Variants in UNKL observed in about 807,000 individuals in gnomAD.
The protein encoded by UNKL is putative E3 ubiquitin-protein ligase UNKL.
Under a neutral mutation model 78.0 loss-of-function variants are expected in UNKL, and 60 were observed. The ratio of observed to expected loss-of-function variants is 0.77; its 90% CI spans 0.63 to 0.95. UNKL has a LOEUF of 0.95. Among genes scored for constraint, UNKL ranks in the 40% least tolerant of loss-of-function variants. The pLI is 0.00. For missense variants in UNKL, 1,159 were observed against 1,045.7 expected (o/e 1.11, Z -1.49); for synonymous variants, 608 against 474.8 (o/e 1.28, Z -3.65).
chr16:1,396,629 T>C (rs2037273726), intron 6 of UNKL, among the ~76,000 whole-genome samples: 1 of 152,174 alleles, frequency 6.6e-6, no homozygotes, highest in Non-Finnish European at 1.5e-5. Flanking sequence ...AGTCTTGCTC[T>C]GTTGCCCAGG....
At position 1,364,991 on chromosome 16, in the gene UNKL, C is replaced by T. The variant is rs2035125945; in HGVS notation, c.*1249G>A. The stretch of plus-strand genomic sequence containing the variant: ...AGGACAGCTCTGAGTAATCAGAAAA[C>T]AGCTTTTTTTTTTTTTTTTTGAGCC... On this transcript the variant is annotated 3_prime_UTR_variant, in exon 15 of 15. Coordinates refer to ENST00000389221, the MANE Select transcript of UNKL (RefSeq NM_001372107.1). 1 of 150,956 alleles carries T rather than the reference C, an allele frequency of 6.6e-6. No homozygotes were observed. Among genetic ancestry groups the T allele is most frequent in the Admixed American group, 6.6e-5 (1 of 15,164 alleles). 9.4% of individuals were successfully genotyped at this position (150,956 alleles called of 1,614,324 possible). A position where few individuals can be genotyped will look rare whatever the true frequency, so the allele number is the denominator to read the frequency against.
chr16:1,399,532 C>A lies in UNKL; in HGVS notation c.599-23G>T. 1 of 1,579,534 alleles carries A rather than the reference C, an allele frequency of 6.3e-7. No individual in the cohort carries two copies. ...CATCTGAAAAATGGGCCACACGGTG[C>A]CTGAGCAGCGCGACTGGAAGCAATG... On this transcript the variant is annotated intron_variant, in intron 4 of 14. Transcript: ENST00000389221. The surrounding 1 kb of genome is among the most constrained non-coding windows in gnomAD (Gnocchi z 5.8).
At chr16:1,370,465 GGA>G in intron 11 of UNKL, 108 bp from the exon 12 acceptor site, 1 of 1,456,620 alleles carries the variant, frequency 6.9e-7, no homozygotes, top group Non-Finnish European at 9.1e-7. Context: ...GTGGTGGTGG[GGA>G]TATGGGGGGT....
At chr16:1,409,692 C>A (rs2037948350) in intron 2 of UNKL, among the ~76,000 whole-genome samples, 1 of 152,028 alleles carries the variant, frequency 6.6e-6, no homozygotes, top group South Asian at 2.1e-4. Flanking sequence ...GAGGCAGGCG[C>A]TTACTACAGC....
Position 1,394,132 on chromosome 16 carries a change from C to G in UNKL, c.936G>C (p.Glu312Asp). Residue 312 changes from glutamate to aspartate, a missense_variant and splice_region_variant, in exon 7 of 15, where the codon GAG becomes GAC. Glu to Asp is a conservative substitution (Grantham distance 45). Transcript: ENST00000389221. ...RGPFCAFAHV[E>D]KSLGMVNEWG... is the part of the protein sequence containing the mutation. ...CCTGCCACAGGGACGGTTACTCACT[C>G]TCAACGTGTGCAAAGGCACAGAAGG... 2 of 1,550,580 alleles carry G rather than the reference C, an allele frequency of 1.3e-6. No individual in the cohort carries two copies. Among genetic ancestry groups the G allele is most frequent in the Non-Finnish European group, 1.7e-6 (2 of 1,146,914 alleles).
chr16:1,390,521 G>A, intron 9 of UNKL, 111 bp downstream of exon 9: 2 of 1,167,256 alleles, frequency 1.7e-6, no homozygotes, highest in Non-Finnish European at 2.4e-6. Context: ...GCGGGACCAA[G>A]GATGCATGAG....
intron 6 of UNKL, 51 bp downstream of exon 6, chr16:1,397,127 T>C: frequency 2.0e-6 from 3 of 1,524,118 alleles, no homozygotes; most frequent in Non-Finnish European, 2.7e-6. Context: ...CCCCACAGCT[T>C]CTCTGGGACC....
intron 10 of UNKL, among the ~76,000 whole-genome samples, chr16:1,381,237 T>C (rs1162543333): frequency 2.0e-5 from 3 of 152,230 alleles, no homozygotes; most frequent in African/African-American, 7.2e-5. Context: ...TAAATATTTT[T>C]CTGCTATGCT....
At chr16:1,407,513 A>C (rs373251938) in intron 2 of UNKL, among the ~76,000 whole-genome samples, 1 of 151,980 alleles carries the variant, frequency 6.6e-6, no homozygotes, top group African/African-American at 2.4e-5. Context: ...GTTCGAAACC[A>C]GCAAGACCCC....
chr16:1,398,679 G>GCGCGCCCCCCCC, intron 5 of UNKL: 1 of 1,356,346 alleles, frequency 7.4e-7, no homozygotes, highest in Non-Finnish European at 9.5e-7. Context: ...TGTGGGGTCT[G>GCGCGCCCCCCCC]CACCCCCCCA....
At position 1,399,958 on chromosome 16, in the gene UNKL, AC is replaced by A. The variant is rs56880452; in HGVS notation, c.599-450del. 0.85 allele frequency among the ~76,000 whole-genome samples: 129,038 copies of A among 152,126 alleles called. 55,216 individuals are homozygous for A. Among genetic ancestry groups the A allele is most frequent in the East Asian group, 1 (5,176 of 5,178 alleles). On this transcript the variant is annotated intron_variant, in intron 4 of 14. Transcript: ENST00000389221. This position sits in a 1 kb window ranked among gnomAD's most constrained non-coding sequence, Gnocchi z 5.8. ...TCATGCGCACCACAGCCTCTGGGTG[AC>A]AAGCACACATCAGTGTGGGTTCACT...
intron 13 of UNKL, 100 bp downstream of exon 13, chr16:1,367,556 G>A (rs1454092812): frequency 4.1e-5 from 14 of 341,012 alleles, no homozygotes; most frequent in Non-Finnish European, 6.5e-5. Flanking sequence ...AGTCACCTGC[G>A]GCCCTCCCTC....
At chr16:1,401,364 C>T (rs763553890) in intron 4 of UNKL, 5 of 527,496 alleles carry the variant, frequency 9.5e-6, no homozygotes, top group South Asian at 1.2e-4. Context: ...AGAGCAGGTG[C>T]GGGGGAAGGC....
chr16:1,371,842 C>T (rs1202701838), intron 10 of UNKL, among the ~76,000 whole-genome samples: 3 of 152,222 alleles, frequency 2.0e-5, no homozygotes, highest in Non-Finnish European at 2.9e-5. Flanking sequence ...TCAGGTGGGA[C>T]GCCCCGCACC....
At chr16:1,383,583 G>C (rs367967838) in intron 10 of UNKL, 1 of 360,572 alleles carries the variant, frequency 2.8e-6, no homozygotes. Flanking sequence ...GTGGCCGCTG[G>C]GAAGAGTCTC....
At chr16:1,367,459 G>GC in intron 13 of UNKL, 110 bp from the exon 14 acceptor site, 3 of 1,395,996 alleles carry the variant, frequency 2.1e-6, no homozygotes, top group Non-Finnish European at 2.8e-6. Flanking sequence ...ATCAGCTGTG[G>GC]CCCCCTCACC....
intron 12 of UNKL, 131 bp from the exon 13 acceptor site, chr16:1,367,989 G>A (rs934593400): frequency 1.1e-5 from 9 of 794,492 alleles, no homozygotes; most frequent in Middle Eastern, 3.7e-4. Context: ...GGCAGCAGGG[G>A]TGCAGCCACG....
intron 5 of UNKL, chr16:1,398,682 C>CGG: frequency 1.6e-5 from 7 of 435,654 alleles, no homozygotes; most frequent in Non-Finnish European, 2.2e-5. Context: ...GGGGTCTGCA[C>CGG]CCCCCCACCC....
chr16:1,382,282 G>A (rs890754944), intron 10 of UNKL, among the ~76,000 whole-genome samples: 2 of 152,252 alleles, frequency 1.3e-5, no homozygotes, highest in Non-Finnish European at 2.9e-5. Flanking sequence ...TAGAGGCTCC[G>A]AGAGAAGATG....
Sources: allele counts gnomAD v4.1 joint callset (sites outside exome capture counted in the v4.1 genomes callset), GRCh38; gene constraint gnomAD v4.1.1; non-coding constraint Gnocchi (gnomAD v3.1); transcripts MANE v1.5; gene names NCBI Gene and HGNC (gene_info 2026-07-23, HGNC 2026-07-21).